CNTNAP2: variants seen among roughly 807,000 people sequenced by gnomAD.
CNTNAP2 encodes contactin associated protein 2.
CNTNAP2 carries 98 observed loss-of-function variants against 155.2 expected under a neutral mutation model. The ratio of observed to expected loss-of-function variants is 0.63; its 90% CI spans 0.54 to 0.75. The LOEUF is 0.75. Among genes scored for constraint, CNTNAP2 ranks in the 30% least tolerant of loss-of-function variants. CNTNAP2 has a pLI of 0.00. For synonymous variants in CNTNAP2, 651 were observed against 631.2 expected (o/e 1.03, Z -0.47); for missense variants, 1,727 against 1,688.1 (o/e 1.02, Z -0.40).
intron 20 of CNTNAP2, among the ~76,000 whole-genome samples, chr7:148,257,335 C>T (rs1796472836): frequency 6.6e-6 from 1 of 152,230 alleles, no homozygotes; most frequent in South Asian, 2.1e-4. Flanking sequence ...CCAGGACCGG[C>T]ATGCATCGCT....
At chr7:147,562,365 T>A in intron 12 of CNTNAP2, 108 bp downstream of exon 12, 1 of 1,362,400 alleles carries the variant, frequency 7.3e-7, no homozygotes, top group African/African-American at 1.4e-5. Flanking sequence ...TCACAACATC[T>A]AATCAGCAAC....
intron 13 of CNTNAP2, among the ~76,000 whole-genome samples, chr7:147,840,747 G>T (rs1017727032): frequency 6.6e-6 from 1 of 152,070 alleles, no homozygotes; most frequent in East Asian, 1.9e-4. Flanking sequence ...GGGACAGAAA[G>T]GAAAGGAAAG....
intron 2 of CNTNAP2, among the ~76,000 whole-genome samples, chr7:146,826,861 G>A (rs866792105): frequency 6.7e-6 from 1 of 148,536 alleles, no homozygotes; most frequent in Non-Finnish European, 1.5e-5. Context: ...TATATATAGA[G>A]AGAGAGAGAG....
intron 1 of CNTNAP2, among the ~76,000 whole-genome samples, chr7:146,306,857 A>G (rs1003615617): frequency 2.0e-5 from 3 of 152,154 alleles, no homozygotes; most frequent in Non-Finnish European, 2.9e-5. Flanking sequence ...ATTTATGACA[A>G]ACCCACAGCC....
At chr7:146,664,757 T>A (rs888931837) in intron 1 of CNTNAP2, among the ~76,000 whole-genome samples, 2 of 152,148 alleles carry the variant, frequency 1.3e-5, no homozygotes, top group Non-Finnish European at 2.9e-5. Flanking sequence ...ACTATTGAAG[T>A]CATTTGAACC....
intron 20 of CNTNAP2, among the ~76,000 whole-genome samples, chr7:148,238,211 T>C (rs1422654449): frequency 6.6e-6 from 1 of 151,994 alleles, no homozygotes. Flanking sequence ...TAGCTGGACA[T>C]GGGGGTGCAC....
At chr7:146,553,544 G>T (rs1798151834) in intron 1 of CNTNAP2, among the ~76,000 whole-genome samples, 1 of 152,022 alleles carries the variant, frequency 6.6e-6, no homozygotes, top group East Asian at 1.9e-4. Context: ...TTTATTAGAT[G>T]CACTTTTTAT....
intron 1 of CNTNAP2, among the ~76,000 whole-genome samples, chr7:146,655,450 C>CTTTATT (rs1167835937): frequency 6.8e-6 from 1 of 147,376 alleles, no homozygotes; most frequent in Non-Finnish European, 1.5e-5. Flanking sequence ...AAAAATATAT[C>CTTTATT]TTTATTTTCA....
intron 12 of CNTNAP2, among the ~76,000 whole-genome samples, chr7:147,630,886 G>T (rs1326827487): frequency 2.6e-5 from 4 of 152,088 alleles, no homozygotes; most frequent in Non-Finnish European, 1.5e-5. Context: ...GGAAAAAGTT[G>T]AAAGCATTCA....
chr7:147,736,571 T>G (rs1563070901), intron 13 of CNTNAP2, among the ~76,000 whole-genome samples: 2 of 152,192 alleles, frequency 1.3e-5, no homozygotes, highest in African/African-American at 2.4e-5. Flanking sequence ...GTTGACCTGC[T>G]TTGCTAGATT....
At chr7:146,283,664 C>G (rs1800284740) in intron 1 of CNTNAP2, among the ~76,000 whole-genome samples, 1 of 152,094 alleles carries the variant, frequency 6.6e-6, no homozygotes, top group Admixed American at 6.5e-5. Flanking sequence ...GGAAGAAAAA[C>G]TTAAACCTAT....
At chr7:146,720,130 CT>C (rs11341069) in intron 1 of CNTNAP2, among the ~76,000 whole-genome samples, 27,030 of 150,408 alleles carry the variant, frequency 0.18, 4,746 homozygotes, top group African/African-American at 0.46. Flanking sequence ...TCATACAAAA[CT>C]TTTTTTTTTC....
chr7:148,185,037 C>A (rs574306697), intron 18 of CNTNAP2, among the ~76,000 whole-genome samples: 39 of 152,320 alleles, frequency 2.6e-4, no homozygotes, highest in African/African-American at 9.1e-4. Context: ...AAATCCTAGA[C>A]AGAACTTTTC....
chr7:148,370,849 G>A lies in CNTNAP2; in HGVS notation c.3476-12800G>A, dbSNP rs114893470. On this transcript the variant is annotated intron_variant, in intron 21 of 23. Coordinates refer to ENST00000361727, the MANE Select transcript of CNTNAP2 (RefSeq NM_014141.6). Reference sequence around the variant, plus strand: ...AAGTCTCAGCCTTCTCCCTGGTGCCGGCCTTTCCAACACCTGAAGGCAGTG... The same window carrying A: ...AAGTCTCAGCCTTCTCCCTGGTGCCAGCCTTTCCAACACCTGAAGGCAGTG... 8.0e-3 allele frequency among the ~76,000 whole-genome samples: 1,220 copies of A among 152,202 alleles called. 18 individuals carry two copies. Among genetic ancestry groups the A allele is most frequent in the African/African-American group, 0.028 (1,154 of 41,528 alleles).
intron 8 of CNTNAP2, among the ~76,000 whole-genome samples, chr7:147,141,986 GGTTTTCTAGATACACAATCAT>G (rs1801607101): frequency 6.6e-6 from 1 of 152,094 alleles, no homozygotes; most frequent in South Asian, 2.1e-4. Flanking sequence ...GAGATGATGG[GGTTTTCTAGATACACAATCAT>G]GTCATCTGCG....
Position 148,172,363 on chromosome 7 carries a change from C to A in CNTNAP2, c.2895C>A (p.Gly965=), listed in dbSNP as rs75688908. The change falls in exon 18 of 24, where the codon GGC becomes GGA. Residue 965 remains glycine, a synonymous_variant. Coordinates refer to ENST00000361727, the MANE Select transcript of CNTNAP2 (RefSeq NM_014141.6). ...VTSGFISGCS[G]HCTSYGTNCE... ...CTGGGTTCATATCCGGATGCTCGGGCCATTGCACCAGCTATGGAACAAACT... is the reference window on the plus strand; with the variant it reads ...CTGGGTTCATATCCGGATGCTCGGGACATTGCACCAGCTATGGAACAAACT... 739 of 1,614,088 alleles carry A rather than the reference C, an allele frequency of 4.6e-4. 6 individuals carry two copies. The East Asian group carries it at 0.015, about 34-fold the overall frequency.
At chr7:146,560,605 G>A (rs1418744459) in intron 1 of CNTNAP2, among the ~76,000 whole-genome samples, 2 of 151,996 alleles carry the variant, frequency 1.3e-5, no homozygotes, top group Non-Finnish European at 2.9e-5. Context: ...ATTCCCTTCA[G>A]AATCCTGCCA....
At position 147,913,763 on chromosome 7, in the gene CNTNAP2, T is replaced by C. The variant is rs572170273; in HGVS notation, c.2255+10042T>C. On this transcript the variant is annotated intron_variant, in intron 14 of 23. Transcript: ENST00000361727. Reference sequence around the variant, plus strand: ...ACCTGCCTGTGCCTCAGTTTTCTCTTATCTACAGTGGAGATGAAAAGAGCG... The same window carrying C: ...ACCTGCCTGTGCCTCAGTTTTCTCTCATCTACAGTGGAGATGAAAAGAGCG... 4.6e-5 allele frequency among the ~76,000 whole-genome samples: 7 copies of C among 152,278 alleles called. No homozygotes were observed. In the East Asian group the frequency reaches 1.2e-3, roughly 25 times the overall value.
chr7:146,962,410 G>C (rs1005602084), intron 3 of CNTNAP2, among the ~76,000 whole-genome samples: 1 of 152,224 alleles, frequency 6.6e-6, no homozygotes, highest in African/African-American at 2.4e-5. Context: ...TACTTGAGAT[G>C]ATGCAGGATT....
Sources: gnomAD v4.1 joint callset for allele counts (sites outside exome capture counted in the v4.1 genomes callset) on GRCh38, gnomAD v4.1.1 for gene constraint, MANE v1.5 for transcripts, NCBI Gene and HGNC (gene_info 2026-07-23, HGNC 2026-07-21) for gene names.